Variants in ADAMTS9 observed in about 807,000 individuals in gnomAD.
The protein encoded by ADAMTS9 is A disintegrin and metalloproteinase with thrombospondin motifs 9.
In ADAMTS9, 107 loss-of-function variants were observed where a neutral mutation model predicts 257.1. That is an observed-to-expected ratio of 0.42 (90% CI 0.36 to 0.49). ADAMTS9 has a LOEUF of 0.49. Among genes scored for constraint, ADAMTS9 ranks in the 20% least tolerant of loss-of-function variants. The pLI, the probability that ADAMTS9 is intolerant of heterozygous loss-of-function variation, is 0.03. For missense variants in ADAMTS9, 2,353 were observed against 2,469.1 expected, an observed-to-expected ratio of 0.95 and a Z score of 1.00; for synonymous variants, 982 against 880.9, an observed-to-expected ratio of 1.11 and a Z score of -2.03.
rs537863636 is a variant in ADAMTS9, at chr3:64,568,893, C to G, written c.4357-358G>C. The G allele has an allele frequency of 4.0e-4, 81 of 201,836 alleles. No homozygotes were observed. In the Middle Eastern group the frequency reaches 5.6e-3, roughly 14 times the overall value. 12.5% of individuals were successfully genotyped at this position (201,836 alleles called of 1,614,324 possible). On this transcript the variant is annotated intron_variant, in intron 28 of 39. Coordinates refer to ENST00000498707, the MANE Select transcript of ADAMTS9 (RefSeq NM_182920.2). Reference sequence around the variant, plus strand: ...GTGATATATTTCTTCAACAAAATGCCTGTGATTCACTGACTGGGATAAAGG... The same window carrying G: ...GTGATATATTTCTTCAACAAAATGCGTGTGATTCACTGACTGGGATAAAGG...
chr3:64,550,539 C>G (rs2083257594), intron 31 of ADAMTS9: 2 of 216,358 alleles, frequency 9.2e-6, no homozygotes, highest in African/African-American at 4.6e-5. Flanking sequence ...TTGTTGTATC[C>G]CTGGCACTAC....
At position 64,649,645 on chromosome 3, in the gene ADAMTS9, G is replaced by T. The variant is rs778615150; in HGVS notation, c.1597C>A (p.Pro533Thr). 3.0e-5 allele frequency: 49 copies of T among 1,612,850 alleles called. No homozygotes were observed. The highest frequency in any genetic ancestry group is 4.0e-5 in the Non-Finnish European group (47 of 1,179,510). ...LIFGPGSQVC[P>T]YMMQCRRLWC... ...GGCCCTCCTACACTTACCATATATG[G>T]GCACACCTGAGAACCTGGTCCAAAA... is the stretch of plus-strand genomic sequence containing the variant. The change falls in exon 10 of 40, where the codon CCA (proline) becomes ACA (threonine). Residue 533 changes from proline (P) to threonine (T), a missense_variant. Transcript: ENST00000498707.
At chr3:64,567,889 T>A (rs2083581868) in intron 29 of ADAMTS9, among the ~76,000 whole-genome samples, 1 of 152,082 alleles carries the variant, frequency 6.6e-6, no homozygotes, top group South Asian at 2.1e-4. Context: ...AACAGAGAAC[T>A]CTCTCTTCTG....
intron 30 of ADAMTS9, among the ~76,000 whole-genome samples, chr3:64,558,174 T>G (rs1273157458): frequency 6.6e-6 from 1 of 152,186 alleles, no homozygotes. Flanking sequence ...TCACTTTAGG[T>G]GTATTTGGCA....
intron 16 of ADAMTS9, among the ~76,000 whole-genome samples, chr3:64,629,304 C>T (rs991235849): frequency 2.6e-5 from 4 of 152,148 alleles, no homozygotes; most frequent in Non-Finnish European, 5.9e-5. Flanking sequence ...TGCAGTAAGA[C>T]GTCATTCCTC....
In ADAMTS9 at chr3:64,597,998, T is replaced by C. The variant is rs1319176146; in HGVS notation, c.4018-1007A>G. On this transcript the variant is annotated intron_variant, in intron 26 of 39. Transcript: ENST00000498707. ...TCTAGCTAATCGTAGCTCATATCAGTGTTATTTCAAGATAGGCTCTATCAA... is the reference window on the plus strand; with the variant it reads ...TCTAGCTAATCGTAGCTCATATCAGCGTTATTTCAAGATAGGCTCTATCAA... Among the ~76,000 whole-genome samples the C allele has an allele frequency of 2.6e-5, 4 of 152,326 alleles. No individual in the cohort carries two copies. In the East Asian group the frequency reaches 7.7e-4, roughly 29 times the overall value.
At chr3:64,650,958 G>C in intron 9 of ADAMTS9, 59 bp downstream of exon 9, 1 of 1,484,842 alleles carries the variant, frequency 6.7e-7, no homozygotes, top group Admixed American at 2.4e-5. Flanking sequence ...CCCACAATTA[G>C]TTCACTACAT....
chr3:64,553,435 G>T (rs1453561576), intron 30 of ADAMTS9, among the ~76,000 whole-genome samples: 1 of 152,062 alleles, frequency 6.6e-6, no homozygotes. Context: ...ACCACATTTT[G>T]TTTATCCATT....
Position 64,622,301 on chromosome 3 carries a change from G to T in ADAMTS9, c.2583C>A (p.Asn861Lys), listed in dbSNP as rs1700128595. Reference sequence around the variant, plus strand: ...TATTGAAAGAATAGCGTACATCGGGGTTGTACAACTTTCCCACCGACAAAA... The same window carrying T: ...TATTGAAAGAATAGCGTACATCGGGTTTGTACAACTTTCCCACCGACAAAA... ...LQVLSVGKLY[N>K]PDVRYSFNIP... Residue 861 changes from asparagine to lysine, a missense_variant, in exon 18 of 40, where the codon AAC becomes AAA. Transcript: ENST00000498707. 1.2e-6 allele frequency: 2 copies of T among 1,613,646 alleles called. No individual in the cohort carries two copies. Among genetic ancestry groups the T allele is most frequent in the African/African-American group, 1.3e-5 (1 of 74,800 alleles).
At chr3:64,669,134 G>T (rs189129444) in intron 3 of ADAMTS9, among the ~76,000 whole-genome samples, 4 of 152,214 alleles carry the variant, frequency 2.6e-5, no homozygotes, top group East Asian at 3.9e-4. Context: ...CTCAGAAAAG[G>T]CTTGATTGGT....
chr3:64,684,715 G>C (rs1487172877), intron 2 of ADAMTS9, among the ~76,000 whole-genome samples: 1 of 152,122 alleles, frequency 6.6e-6, no homozygotes, highest in African/African-American at 2.4e-5. Context: ...TGAAGCCCTA[G>C]TCCTCAGTTC....
At chr3:64,682,803 G>A (rs1367842778) in intron 2 of ADAMTS9, among the ~76,000 whole-genome samples, 3 of 152,194 alleles carry the variant, frequency 2.0e-5, no homozygotes, top group Non-Finnish European at 2.9e-5. Context: ...AGCTCCCAGG[G>A]TATTCTTACG....
rs1265650145 is a variant in ADAMTS9, at chr3:64,544,198, T to C, written c.5065-2228A>G. On this transcript the variant is annotated intron_variant, in intron 32 of 39. Coordinates refer to ENST00000498707, the MANE Select transcript of ADAMTS9 (RefSeq NM_182920.2). ...AACATGGCCATACTGCCCAAGGTAA[T>C]TTAAAGATTCAATGCCATCCCCATC... Among the ~76,000 whole-genome samples, 3 of 152,078 alleles carry C rather than the reference T, an allele frequency of 2.0e-5. No homozygotes were observed. The East Asian group carries it at 5.8e-4, about 29-fold the overall frequency.
chr3:64,680,064 G>A (rs1212757772), intron 3 of ADAMTS9, among the ~76,000 whole-genome samples: 4 of 152,134 alleles, frequency 2.6e-5, no homozygotes, highest in Non-Finnish European at 5.9e-5. Flanking sequence ...CTTAAATTTG[G>A]CTACTTGTAG....
At chr3:64,575,640 C>T (rs1368635915) in intron 28 of ADAMTS9, among the ~76,000 whole-genome samples, 2 of 152,138 alleles carry the variant, frequency 1.3e-5, no homozygotes, top group East Asian at 1.9e-4. Flanking sequence ...GAGAGTCAGA[C>T]AGGCCTGGGC....
intron 29 of ADAMTS9, among the ~76,000 whole-genome samples, chr3:64,566,247 G>A (rs138717767): frequency 2.7e-4 from 41 of 152,202 alleles, no homozygotes; most frequent in African/African-American, 9.1e-4. Context: ...CATGCAGACC[G>A]TCTTTCTCCA....
intron 19 of ADAMTS9, among the ~76,000 whole-genome samples, 200 bp from the exon 20 acceptor site, chr3:64,616,370 T>C (rs73832350): frequency 0.011 from 1,743 of 152,270 alleles, 28 homozygotes; most frequent in East Asian, 0.033. Context: ...CCAATGTACA[T>C]AGAAGTCACA....
At chr3:64,673,653 G>A (rs1200868207) in intron 3 of ADAMTS9, among the ~76,000 whole-genome samples, 3 of 151,954 alleles carry the variant, frequency 2.0e-5, no homozygotes, top group African/African-American at 7.3e-5. Flanking sequence ...GTACTGTGTA[G>A]GCAATATGAA....
At chr3:64,655,230 TGTATTTTCAGGTCTGCCTAACACA>T (rs547042587) in intron 6 of ADAMTS9, among the ~76,000 whole-genome samples, 70 of 152,308 alleles carry the variant, frequency 4.6e-4, no homozygotes, top group African/African-American at 1.6e-3. Context: ...ATATAAGGCA[TGTATTTTCAGGTCTGCCTAACACA>T]TTTATTCCTC....
Sources: allele counts gnomAD v4.1 joint callset (sites outside exome capture counted in the v4.1 genomes callset), GRCh38; gene constraint gnomAD v4.1.1; transcripts MANE v1.5; gene names NCBI Gene and HGNC (gene_info 2026-07-23, HGNC 2026-07-21).